Variants in CCDC18 observed in about 807,000 individuals in gnomAD.
CCDC18 encodes coiled-coil domain-containing protein 18.
In CCDC18, 157 loss-of-function variants were observed where a neutral mutation model predicts 196.0. That is an observed-to-expected ratio of 0.80 (90% CI 0.70 to 0.91). CCDC18 has a LOEUF of 0.91. Among genes scored for constraint, CCDC18 ranks in the 40% least tolerant of loss-of-function variants. CCDC18 has a pLI of 0.00. For missense variants in CCDC18, 1,465 were observed against 1,611.6 expected, an observed-to-expected ratio of 0.91 and a Z score of 1.56; for synonymous variants, 482 against 529.2, an observed-to-expected ratio of 0.91 and a Z score of 1.22.
chr1:93,252,362 A>G (rs1392042449), intron 23 of CCDC18, among the ~76,000 whole-genome samples: 1 of 152,184 alleles, frequency 6.6e-6, no homozygotes, highest in Non-Finnish European at 1.5e-5. Context: ...CAAATAGTCC[A>G]TCTTCAAGCT....
chr1:93,191,980 A>G lies in CCDC18; in HGVS notation c.463-20A>G. 6.5e-7 allele frequency: 1 copy of G among 1,546,318 alleles called. No individual in the cohort carries two copies. Among genetic ancestry groups the G allele is most frequent in the Non-Finnish European group, 8.9e-7 (1 of 1,124,046 alleles). Reference sequence around the variant, plus strand: ...AATTTATTTTCTGAAAGTACTATAAAAGTTGTTTTTATGTTTTAGGTTTCT... The same window carrying G: ...AATTTATTTTCTGAAAGTACTATAAGAGTTGTTTTTATGTTTTAGGTTTCT... On this transcript the variant is annotated intron_variant, in intron 4 of 28. Transcript: ENST00000690025.
At chr1:93,198,629 C>A (rs926509102) in intron 6 of CCDC18, among the ~76,000 whole-genome samples, 1 of 152,070 alleles carries the variant, frequency 6.6e-6, no homozygotes, top group Non-Finnish European at 1.5e-5. Flanking sequence ...AAGAAAAAAT[C>A]TACAGAAGAT....
At chr1:93,263,567 A>G (rs1022794556) in intron 26 of CCDC18, among the ~76,000 whole-genome samples, 4 of 152,208 alleles carry the variant, frequency 2.6e-5, no homozygotes, top group African/African-American at 4.8e-5. Flanking sequence ...CTAGTTTCCA[A>G]TAAGTTTCTC....
chr1:93,264,751 T>C lies in CCDC18; in HGVS notation c.3735T>C (p.Ser1245=), dbSNP rs1472417462. Residue 1245 remains serine (S), a synonymous_variant, in exon 27 of 29, where the codon TCT becomes TCC. Coordinates refer to ENST00000690025, the MANE Select transcript of CCDC18 (RefSeq NM_001378204.1). Reference sequence around the variant, plus strand: ...CAAAGTGGAAGATTTCTGCTGACTCTCAAAAGTCTTCTGTTCAGCAACTAA... The same window carrying C: ...CAAAGTGGAAGATTTCTGCTGACTCCCAAAAGTCTTCTGTTCAGCAACTAA... ...NHAKWKISAD[S]QKSSVQQLNE... is the part of the protein sequence containing the mutation. The C allele has an allele frequency of 2.5e-6, 4 of 1,613,208 alleles. No individual in the cohort carries two copies. Among genetic ancestry groups the C allele is most frequent in the African/African-American group, 2.7e-5 (2 of 74,892 alleles).
chr1:93,262,775 G>A (rs1018834046), intron 26 of CCDC18, among the ~76,000 whole-genome samples: 4 of 152,100 alleles, frequency 2.6e-5, no homozygotes, highest in Non-Finnish European at 5.9e-5. Flanking sequence ...TGCCCCGGTG[G>A]GGACTCTGTG....
chr1:93,273,534 G>C (rs1455464900), intron 28 of CCDC18: 3 of 152,350 alleles, frequency 2.0e-5, no homozygotes, highest in South Asian at 2.1e-4. Flanking sequence ...CAGCCAGATA[G>C]TTCTGTCATG....
intron 11 of CCDC18, among the ~76,000 whole-genome samples, 178 bp downstream of exon 11, chr1:93,212,439 A>T (rs183716382): frequency 6.6e-6 from 1 of 152,200 alleles, no homozygotes; most frequent in Admixed American, 6.5e-5. Flanking sequence ...TTCATCACCC[A>T]GGTATTAAGC....
chr1:93,221,944 T>TTAGCATACTA lies in CCDC18; in HGVS notation c.2175+8_2175+9insTAGCATACTA. Reference sequence around the variant, plus strand: ...TCTGAAGAAACAATCAAGGCTAGTATGCTAATACTTTATTTTTCTTTCTTT... The same window carrying TTAGCATACTA: ...TCTGAAGAAACAATCAAGGCTAGTATTAGCATACTAGCTAATACTTTATTTTTCTTTCTTT... On this transcript the variant is annotated intron_variant, in intron 16 of 28. Coordinates refer to ENST00000690025, the MANE Select transcript of CCDC18 (RefSeq NM_001378204.1). The TTAGCATACTA allele has an allele frequency of 6.6e-7, 1 of 1,514,120 alleles. No individual in the cohort carries two copies. Among genetic ancestry groups the TTAGCATACTA allele is most frequent in the Non-Finnish European group, 9.0e-7 (1 of 1,116,642 alleles). The allele number at this position is 1,514,120 out of a possible 1,614,324, so 93.8% of individuals were successfully genotyped here.
At chr1:93,273,132 A>G (rs1326265628) in intron 28 of CCDC18, among the ~76,000 whole-genome samples, 3 of 151,668 alleles carry the variant, frequency 2.0e-5, no homozygotes, top group Non-Finnish European at 2.9e-5. Flanking sequence ...GCAGTGGCGC[A>G]ATCTTGGCTC....
chr1:93,264,943 C>G, intron 27 of CCDC18, 42 bp downstream of exon 27: 1 of 1,376,276 alleles, frequency 7.3e-7, no homozygotes, highest in South Asian at 1.2e-5. Flanking sequence ...TCTATGAAAA[C>G]ATAAATGTCT....
At chr1:93,249,332 A>G (rs1260071271) in intron 23 of CCDC18, among the ~76,000 whole-genome samples, 2 of 151,816 alleles carry the variant, frequency 1.3e-5, no homozygotes, top group African/African-American at 4.8e-5. Context: ...ATCTCATTTT[A>G]TTTATTTGGA....
intron 17 of CCDC18, 77 bp downstream of exon 17, chr1:93,226,526 T>A (rs1570449985): frequency 1.8e-4 from 10 of 56,788 alleles, no homozygotes; most frequent in South Asian, 5.4e-4. Context: ...TAGGACAAAA[T>A]ATATATATAT....
At chr1:93,186,531 C>T (rs369003381) in intron 4 of CCDC18, 28 bp downstream of exon 4, 1 of 1,544,738 alleles carries the variant, frequency 6.5e-7, no homozygotes, top group African/African-American at 1.4e-5. Context: ...AGTTTGCCAA[C>T]AGAAAATAGT....
intron 1 of CCDC18, among the ~76,000 whole-genome samples, chr1:93,181,262 CAGG>C (rs1462975099): frequency 7.9e-6 from 1 of 125,858 alleles, no homozygotes; most frequent in Non-Finnish European, 1.6e-5. Context: ...GATCTTGAGA[CAGG>C]AGACTACTAC....
At chr1:93,248,381 A>G (rs958228760) in intron 23 of CCDC18, among the ~76,000 whole-genome samples, 2 of 152,006 alleles carry the variant, frequency 1.3e-5, no homozygotes, top group African/African-American at 2.4e-5. Context: ...ATTTTATCTG[A>G]TGCTTTTCAA....
chr1:93,220,696 A>G (rs548065007), intron 14 of CCDC18, among the ~76,000 whole-genome samples: 47 of 152,244 alleles, frequency 3.1e-4, no homozygotes, highest in African/African-American at 1.1e-3. Flanking sequence ...AATGTGTGCC[A>G]TGGTGGTTTG....
chr1:93,180,373 C>A, upstream of CCDC18: 2 of 1,281,964 alleles, frequency 1.6e-6, no homozygotes, highest in Non-Finnish European at 1.1e-6. Context: ...GCGGCCGCGG[C>A]GGCGGCGAAC....
At chr1:93,189,330 T>C (rs1651312147) in intron 4 of CCDC18, among the ~76,000 whole-genome samples, 1 of 152,248 alleles carries the variant, frequency 6.6e-6, no homozygotes, top group African/African-American at 2.4e-5. Context: ...GGATGAATAG[T>C]ACTCCATTGT....
chr1:93,184,649 A>G (rs77000832), intron 3 of CCDC18, among the ~76,000 whole-genome samples: 4,805 of 151,838 alleles, frequency 0.032, 121 homozygotes, highest in South Asian at 0.062. Flanking sequence ...ATCTCCCTGC[A>G]TTTATCCCTC....
Sources: gnomAD v4.1 joint callset for allele counts (sites outside exome capture counted in the v4.1 genomes callset) on GRCh38, gnomAD v4.1.1 for gene constraint, MANE v1.5 for transcripts, NCBI Gene and HGNC (gene_info 2026-07-23, HGNC 2026-07-21) for gene names.